ZNF573: variants seen among roughly 807,000 people sequenced by gnomAD.
ZNF573 encodes the protein zinc finger protein 573.
Under a neutral mutation model 57.4 loss-of-function variants are expected in ZNF573, and 41 were observed. That is an observed-to-expected ratio of 0.71 (90% confidence interval 0.56 to 0.93). The LOEUF (loss-of-function observed/expected upper bound fraction) is 0.93, where lower values mean the gene tolerates loss of function less well. ZNF573 is among the 40% of genes least tolerant of loss of function. The pLI, the probability that ZNF573 is intolerant of heterozygous loss-of-function variation, is 0.00. For missense variants in ZNF573, 730 were observed against 794.8 expected (o/e 0.92, Z 0.98); for synonymous variants, 249 against 261.0 (o/e 0.95, Z 0.44).
At chr19:37,746,249 A>G (rs1330555584) in intron 4 of ZNF573, among the ~76,000 whole-genome samples, 2 of 152,232 alleles carry the variant, frequency 1.3e-5, no homozygotes, top group Non-Finnish European at 2.9e-5. Context: ...CATACACTAA[A>G]GGAAGTATAT....
At chr19:37,770,698 G>C (rs544030884) in intron 3 of ZNF573, 1 of 149,626 alleles carries the variant, frequency 6.7e-6, no homozygotes, top group Non-Finnish European at 1.5e-5. Context: ...GAGCCCAGGA[G>C]GTTGAGGCTA....
intron 4 of ZNF573, among the ~76,000 whole-genome samples, chr19:37,754,079 G>T (rs532977435): frequency 1.3e-5 from 2 of 152,260 alleles, no homozygotes; most frequent in East Asian, 3.9e-4. Context: ...AAAGATAAAA[G>T]TCATGTTCCT....
In ZNF573 at chr19:37,741,369, G is replaced by A. The variant is rs146062088; in HGVS notation, c.296-1175C>T. On this transcript the variant is annotated intron_variant, in intron 4 of 4. Transcript: ENST00000536220. ...AGCCTTGTACTCTTCCAGCTCAAGC[G>A]ATTTTCCCACCTCAGCCTCTCAAGT... Among the ~76,000 whole-genome samples the A allele has an allele frequency of 2.3e-3, 354 of 152,084 alleles. 2 individuals are homozygous for A. The highest frequency in any genetic ancestry group is 7.6e-3 in the African/African-American group (316 of 41,500).
intron 4 of ZNF573, among the ~76,000 whole-genome samples, chr19:37,768,013 T>A (rs925074767): frequency 3.9e-5 from 6 of 152,166 alleles, no homozygotes; most frequent in Admixed American, 2.0e-4. Context: ...CTCTCCTTGT[T>A]TAGAAATACT....
intron 4 of ZNF573, among the ~76,000 whole-genome samples, chr19:37,748,470 G>A (rs538255835): frequency 1.2e-3 from 181 of 152,226 alleles, no homozygotes; most frequent in African/African-American, 3.8e-3. Context: ...CGATCATTAC[G>A]CACTACTTCT....
chr19:37,759,780 T>C (rs1396549500), intron 4 of ZNF573, among the ~76,000 whole-genome samples: 1 of 152,164 alleles, frequency 6.6e-6, no homozygotes, highest in Non-Finnish European at 1.5e-5. Context: ...AATTATAGTT[T>C]AAGTTAGAGT....
At chr19:37,744,740 C>CAAAAAA (rs1193916273) in intron 4 of ZNF573, among the ~76,000 whole-genome samples, 1 of 38,628 alleles carries the variant, frequency 2.6e-5, no homozygotes, top group Non-Finnish European at 5.3e-5. Context: ...GACCCTATCT[C>CAAAAAA]AAAAAAAAAA....
chr19:37,739,549 C>T lies in ZNF573; in HGVS notation c.941G>A (p.Gly314Asp), dbSNP rs760597198. 1 of 1,612,672 alleles carries T rather than the reference C, an allele frequency of 6.2e-7. No homozygotes were observed. The highest frequency in any genetic ancestry group is 1.7e-5 in the Admixed American group (1 of 59,746). The change falls in exon 5 of 5, where the codon GGT (glycine) becomes GAT (aspartate). Residue 314 changes from glycine (G) to aspartate (D), a missense_variant. By Grantham distance (94) the Gly-to-Asp change is moderately conservative. Coordinates refer to ENST00000536220, the MANE Select transcript of ZNF573 (RefSeq NM_001172690.2). ...CEKCGKAFRR[G>D]HQLTVHQRVH... is the part of the protein sequence containing the mutation. The stretch of plus-strand genomic sequence containing the variant: ...TCTCTGATGTACAGTAAGCTGGTGA[C>T]CTCTTCTAAAGGCCTTTCCACATTT...
intron 4 of ZNF573, among the ~76,000 whole-genome samples, chr19:37,763,846 C>G (rs1046507265): frequency 6.6e-6 from 1 of 151,896 alleles, no homozygotes; most frequent in Admixed American, 6.6e-5. Flanking sequence ...GGCAGGTCAC[C>G]TGAGTTTGGG....
intron 4 of ZNF573, among the ~76,000 whole-genome samples, chr19:37,750,829 C>T (rs2045427166): frequency 8.1e-6 from 1 of 123,482 alleles, no homozygotes; most frequent in Admixed American, 8.3e-5. Context: ...AAGACCCAGT[C>T]TCAAAAAAAA....
At chr19:37,769,962 A>T in intron 4 of ZNF573, 43 bp downstream of exon 4, 1 of 1,485,200 alleles carries the variant, frequency 6.7e-7, no homozygotes. Flanking sequence ...CTCTTACCAC[A>T]TGGGCTGTGG....
At chr19:37,763,981 T>G (rs912317870) in intron 4 of ZNF573, among the ~76,000 whole-genome samples, 7 of 150,814 alleles carry the variant, frequency 4.6e-5, no homozygotes, top group Non-Finnish European at 7.4e-5. Flanking sequence ...GAGACTCGCT[T>G]GAACCCAGGA....
chr19:37,758,199 T>TA (rs1224494420), intron 4 of ZNF573, among the ~76,000 whole-genome samples: 188 of 11,862 alleles, frequency 0.016, 22 homozygotes, highest in Non-Finnish European at 0.043. Context: ...TAAAGTATAA[T>TA]AAAATATATA....
chr19:37,770,877 C>T (rs943872679), intron 3 of ZNF573, among the ~76,000 whole-genome samples: 1 of 73,426 alleles, frequency 1.4e-5, no homozygotes, highest in Non-Finnish European at 2.3e-5. Context: ...TATATATTCC[C>T]CCTCCCTTCC....
intron 1 of ZNF573, among the ~76,000 whole-genome samples, chr19:37,778,771 C>T (rs1048646838): frequency 6.6e-6 from 1 of 152,058 alleles, no homozygotes; most frequent in East Asian, 1.9e-4. Context: ...TTCCTTGAAG[C>T]ACGGAATGCC....
chr19:37,743,239 G>A (rs1042119053), intron 4 of ZNF573, among the ~76,000 whole-genome samples: 2 of 146,958 alleles, frequency 1.4e-5, no homozygotes, highest in African/African-American at 5.0e-5. Context: ...AGAATCACTT[G>A]AACGCGGGAG....
At chr19:37,770,216 T>C (rs1178086924) in intron 3 of ZNF573, 119 bp from the exon 4 acceptor site, 2 of 769,266 alleles carry the variant, frequency 2.6e-6, no homozygotes, top group South Asian at 1.9e-5. Flanking sequence ...GGTGAGATGA[T>C]TGAAGAAATG....
chr19:37,751,752 G>GTA lies in ZNF573; in HGVS notation c.296-11560_296-11559dup, dbSNP rs1359558826. On this transcript the variant is annotated intron_variant, in intron 4 of 4. Coordinates refer to ENST00000536220, the MANE Select transcript of ZNF573 (RefSeq NM_001172690.2). ...TATACTGTATATAGTACATAGTACC[G>GTA]TATATACTGTATATAGTACATAGTA... 1.3e-3 allele frequency among the ~76,000 whole-genome samples: 111 copies of GTA among 85,874 alleles called. 6 individuals carry two copies. The highest frequency in any genetic ancestry group is 1.5e-3 in the Non-Finnish European group (61 of 40,022). 56.3% of individuals were successfully genotyped at this position (85,874 alleles called of 152,430 possible).
intron 4 of ZNF573, among the ~76,000 whole-genome samples, chr19:37,756,922 C>T (rs1197993854): frequency 3.3e-5 from 5 of 151,600 alleles, no homozygotes; most frequent in African/African-American, 1.2e-4. Context: ...AAAAGGAATA[C>T]AAAAATATGA....
Sources: allele counts gnomAD v4.1 joint callset (sites outside exome capture counted in the v4.1 genomes callset), GRCh38; gene constraint gnomAD v4.1.1; transcripts MANE v1.5; gene names NCBI Gene and HGNC (gene_info 2026-07-23, HGNC 2026-07-21).